Variants in EDA observed in about 807,000 individuals in gnomAD.
EDA encodes ectodysplasin-A.
EDA carries 2 observed loss-of-function variants against 23.6 expected under a neutral mutation model. The ratio of observed to expected loss-of-function variants is 0.08; its 90% CI spans 0.03 to 0.27. EDA has a LOEUF of 0.27. Ranked by LOEUF, EDA falls within the 10% of genes least tolerant of loss-of-function variation. The probability of loss-of-function intolerance (pLI) is 1.00; values close to 1 mark genes in which losing one functional copy is unlikely to be tolerated. For synonymous variants in EDA, 131 were observed against 132.0 expected, an observed-to-expected ratio of 0.99 and a Z score of 0.05; for missense variants, 229 against 324.2, an observed-to-expected ratio of 0.71 and a Z score of 2.26.
chrX:69,683,830 A>C (rs1934456729), intron 1 of EDA, among the ~76,000 whole-genome samples: 1 of 112,339 alleles, frequency 8.9e-6, no homozygotes, highest in African/African-American at 3.2e-5. Flanking sequence ...TGTGCAATTT[A>C]TTTCTTAGGT....
chrX:69,909,256 TTCTACAATTA>T (rs1445667053), intron 1 of EDA, among the ~76,000 whole-genome samples: 3 of 112,112 alleles, frequency 2.7e-5, no homozygotes, highest in African/African-American at 9.7e-5. Flanking sequence ...TATTTATACC[TTCTACAATTA>T]TTTGGGTTTT....
chrX:70,024,206 A>T, intron 3 of EDA, among the ~76,000 whole-genome samples: 1 of 112,908 alleles, frequency 8.9e-6, no homozygotes, highest in East Asian at 2.8e-4. Context: ...TTTATAGAAT[A>T]GATTGTCAAC....
rs191859498 is a variant in EDA, at chrX:69,810,119, G to A, written c.397-146908G>A. Among the ~76,000 whole-genome samples the A allele has an allele frequency of 3.8e-4, 40 of 105,852 alleles. 1 individual carries two copies. The East Asian group carries it at 0.011, about 29-fold the overall frequency. 91.9% of individuals were successfully genotyped at this position (105,852 alleles called of 115,157 possible). On this transcript the variant is annotated intron_variant, in intron 1 of 7. Transcript: ENST00000374552. ...AACTAAATACAAAAATTAGCTGGGC[G>A]TGGTGGTGCATGCCTGTAATCCCAG...
intron 2 of EDA, among the ~76,000 whole-genome samples, chrX:69,999,654 A>G (rs2019714079): frequency 9.1e-6 from 1 of 110,031 alleles, no homozygotes; most frequent in Non-Finnish European, 1.9e-5. Context: ...AGAAAAAGAG[A>G]AAATGGGAGT....
At chrX:70,032,279 G>A (rs1208562186) in intron 6 of EDA, among the ~76,000 whole-genome samples, 4 of 105,782 alleles carry the variant, frequency 3.8e-5, no homozygotes, top group Non-Finnish European at 5.8e-5. Flanking sequence ...AAAAAAAAAA[G>A]AAGAAGAAGT....
At chrX:69,949,660 G>A (rs1039713580) in intron 1 of EDA, among the ~76,000 whole-genome samples, 19 of 110,971 alleles carry the variant, frequency 1.7e-4, no homozygotes, top group Non-Finnish European at 3.4e-4. Flanking sequence ...CCCAATTAGA[G>A]TCAAAAAAAA....
intron 1 of EDA, among the ~76,000 whole-genome samples, chrX:69,625,862 A>G (rs1355651570): frequency 1.8e-5 from 2 of 110,814 alleles, no homozygotes; most frequent in African/African-American, 6.5e-5. Flanking sequence ...GAAAACCTTG[A>G]AAAATGAAAA....
At chrX:69,978,111 A>G (rs1253932407) in intron 2 of EDA, among the ~76,000 whole-genome samples, 1 of 109,611 alleles carries the variant, frequency 9.1e-6, no homozygotes, top group Non-Finnish European at 1.9e-5. Context: ...GCCAGCTTTT[A>G]GACACAGATG....
intron 1 of EDA, among the ~76,000 whole-genome samples, chrX:69,872,064 A>G: frequency 8.9e-6 from 1 of 112,132 alleles, no homozygotes; most frequent in Non-Finnish European, 1.9e-5. Context: ...CAGAAACCCT[A>G]CAAGGTAGAG....
chrX:69,945,366 C>A (rs1176535155), intron 1 of EDA, among the ~76,000 whole-genome samples: 1 of 111,621 alleles, frequency 9.0e-6, no homozygotes, highest in African/African-American at 3.3e-5. Context: ...TAACTATATA[C>A]TTGTTAAATT....
At chrX:69,841,116 G>A (rs761362053) in intron 1 of EDA, among the ~76,000 whole-genome samples, 67 of 111,922 alleles carry the variant, frequency 6.0e-4, no homozygotes, top group Middle Eastern at 9.3e-3. Flanking sequence ...GTGTATATGC[G>A]CTCAGCTGTT....
intron 1 of EDA, among the ~76,000 whole-genome samples, chrX:69,900,310 C>T (rs1004157862): frequency 5.6e-5 from 6 of 108,038 alleles, no homozygotes; most frequent in Non-Finnish European, 1.2e-4. Context: ...TCAGTTTTAT[C>T]ATAAATATAT....
chrX:69,662,028 A>G (rs1456619490), intron 1 of EDA, among the ~76,000 whole-genome samples: 1 of 111,329 alleles, frequency 9.0e-6, no homozygotes, highest in Non-Finnish European at 1.9e-5. Flanking sequence ...GTACAATTTT[A>G]TTACATATAC....
chrX:69,966,912 TA>T (rs2019182424), intron 2 of EDA, among the ~76,000 whole-genome samples: 1 of 109,341 alleles, frequency 9.1e-6, no homozygotes, highest in Non-Finnish European at 1.9e-5. Flanking sequence ...TTTTAACATA[TA>T]TTTTTTATTT....
intron 1 of EDA, among the ~76,000 whole-genome samples, chrX:69,736,727 T>A (rs1232494401): frequency 9.1e-6 from 1 of 109,948 alleles, no homozygotes; most frequent in Admixed American, 9.8e-5. Context: ...TTCCAGCAGT[T>A]TTAGTTGTAT....
chrX:69,701,983 G>A (rs2011546623), intron 1 of EDA, among the ~76,000 whole-genome samples: 1 of 111,122 alleles, frequency 9.0e-6, no homozygotes, highest in African/African-American at 3.3e-5. Flanking sequence ...CCGGTCTTCT[G>A]GGGTGAGGGT....
In EDA at chrX:69,910,350, G is replaced by GGAGAGA. The variant is rs1181006363; in HGVS notation, c.397-46657_397-46652dup. Among the ~76,000 whole-genome samples, 504 of 63,503 alleles carry GGAGAGA rather than the reference G, an allele frequency of 7.9e-3. 21 individuals carry two copies. The East Asian group carries it at 0.12, about 16-fold the overall frequency. 55.1% of individuals were successfully genotyped at this position (63,503 alleles called of 115,157 possible). A position where few individuals can be genotyped will look rare whatever the true frequency, so the allele number is the denominator to read the frequency against. On this transcript the variant is annotated intron_variant, in intron 1 of 7. Transcript: ENST00000374552. ...GGTTATCTATAATATGCTAGGTAAAGGAGAGAGAGAGAGAGAGAGAGAGAG... is the reference window on the plus strand; with the variant it reads ...GGTTATCTATAATATGCTAGGTAAAGGAGAGAGAGAGAGAGAGAGAGAGAGAGAGAG...
intron 1 of EDA, among the ~76,000 whole-genome samples, chrX:69,802,345 A>G (rs972860266): frequency 9.2e-6 from 1 of 109,115 alleles, no homozygotes; most frequent in Non-Finnish European, 1.9e-5. Context: ...TATATAATAT[A>G]TAATTCTATG....
chrX:69,770,963 C>A (rs2014615650), intron 1 of EDA, among the ~76,000 whole-genome samples: 1 of 111,929 alleles, frequency 8.9e-6, no homozygotes, highest in South Asian at 3.7e-4. Context: ...GCTCTAGCAT[C>A]ATTTGTTGAA....
Sources: gnomAD v4.1 joint callset for allele counts (sites outside exome capture counted in the v4.1 genomes callset) on GRCh38, gnomAD v4.1.1 for gene constraint, MANE v1.5 for transcripts, NCBI Gene and HGNC (gene_info 2026-07-23, HGNC 2026-07-21) for gene names.